STK32B: variants seen among roughly 807,000 people sequenced by gnomAD.
STK32B encodes serine/threonine-protein kinase 32B.
A neutral mutation model predicts 52.6 loss-of-function variants in STK32B; 43 were observed. The ratio of observed to expected loss-of-function variants is 0.82; its 90% confidence interval spans 0.64 to 1.05. STK32B has a LOEUF of 1.05. Ranked by LOEUF, STK32B falls within the 50% of genes least tolerant of loss-of-function variation. The probability of loss-of-function intolerance (pLI) is 0.00; values close to 1 mark genes in which losing one functional copy is unlikely to be tolerated. For synonymous variants in STK32B, 238 were observed against 204.3 expected, an observed-to-expected ratio of 1.17 and a Z score of -1.41; for missense variants, 621 against 534.6, an observed-to-expected ratio of 1.16 and a Z score of -1.59.
At chr4:5,427,286 C>G (rs539613150) in intron 6 of STK32B, among the ~76,000 whole-genome samples, 92 of 152,268 alleles carry the variant, frequency 6.0e-4, no homozygotes, top group Non-Finnish European at 1.2e-3. Context: ...ATCCTTGAAT[C>G]AATGTACTAA....
intron 3 of STK32B, among the ~76,000 whole-genome samples, chr4:5,275,421 A>T (rs556666447): frequency 6.6e-6 from 1 of 152,112 alleles, no homozygotes; most frequent in Non-Finnish European, 1.5e-5. Flanking sequence ...TTTGATGCAA[A>T]TATCTTTTTA....
At chr4:5,226,108 AG>A (rs1380969002) in intron 3 of STK32B, among the ~76,000 whole-genome samples, 8 of 152,216 alleles carry the variant, frequency 5.3e-5, no homozygotes, top group Non-Finnish European at 7.3e-5. Context: ...TCAGTTGTGA[AG>A]GGATGCACTC....
In STK32B at chr4:5,396,992, T is replaced by C. The variant is rs557067677; in HGVS notation, c.435-1215T>C. ...CAGGGGCCCACGTACTCAATGCTCC[T>C]CGGTACTCATGGGTTTGAAAAGTCA... On this transcript the variant is annotated intron_variant, in intron 4 of 11. Transcript: ENST00000282908. This position sits in a 1 kb window ranked among gnomAD's most constrained non-coding sequence, Gnocchi z 4.7. 8.5e-5 allele frequency among the ~76,000 whole-genome samples: 13 copies of C among 152,328 alleles called. No homozygotes were observed. The South Asian group carries it at 2.7e-3, about 32-fold the overall frequency.
At chr4:5,436,557 G>A (rs776951972) in intron 6 of STK32B, 35 of 984,540 alleles carry the variant, frequency 3.6e-5, no homozygotes, top group Non-Finnish European at 3.4e-5. Context: ...GGTCTCTCTG[G>A]GTCCAGAGGC....
At chr4:5,091,796 G>A (rs7693293) in intron 1 of STK32B, among the ~76,000 whole-genome samples, 61,530 of 152,052 alleles carry the variant, frequency 0.4, 12,633 homozygotes, top group Middle Eastern at 0.46. Flanking sequence ...AGAAGGAGTA[G>A]GGCAAATGTT....
Position 5,336,148 on chromosome 4 carries a change from C to G in STK32B, c.434+4755C>G, listed in dbSNP as rs1236207540. On this transcript the variant is annotated intron_variant, in intron 4 of 11. Transcript: ENST00000282908. ...TATCTGAACATAATCATACTAGATG[C>G]TGAAATGACACCCACACACCCACCC... Among the ~76,000 whole-genome samples the G allele has an allele frequency of 3.4e-5, 5 of 147,014 alleles. No homozygotes were observed. In the East Asian group the frequency reaches 8.0e-4, roughly 24 times the overall value.
chr4:5,144,848 C>A (rs1716788184), intron 2 of STK32B, among the ~76,000 whole-genome samples: 1 of 152,052 alleles, frequency 6.6e-6, no homozygotes, highest in Non-Finnish European at 1.5e-5. Context: ...TACGGAGGAC[C>A]AATTTGCTCT....
At position 5,439,104 on chromosome 4, in the gene STK32B, T is replaced by C. The variant is rs953079667; in HGVS notation, c.563-7569T>C. On this transcript the variant is annotated intron_variant, in intron 6 of 11. Coordinates refer to ENST00000282908, the MANE Select transcript of STK32B (RefSeq NM_018401.3). ...TTATAGCAGCATGATTTATAGTCCT[T>C]TGGGTATATACCCAGTAATGGGATG... 4.7e-5 allele frequency among the ~76,000 whole-genome samples: 7 copies of C among 148,638 alleles called. No individual in the cohort carries two copies. The East Asian group carries it at 5.8e-4, about 12-fold the overall frequency.
chr4:5,442,264 C>G (rs957935341), intron 6 of STK32B, among the ~76,000 whole-genome samples: 46 of 148,944 alleles, frequency 3.1e-4, no homozygotes, highest in African/African-American at 1.1e-3. Flanking sequence ...TCACTCAGGA[C>G]TTGCTTCATG....
At chr4:5,463,017 C>A (rs139560762) in intron 9 of STK32B, among the ~76,000 whole-genome samples, 1 of 152,194 alleles carries the variant, frequency 6.6e-6, no homozygotes, top group East Asian at 1.9e-4. Context: ...TGACCTCAGG[C>A]GGCTGCACCC....
At chr4:5,125,517 C>T (rs990596027) in intron 1 of STK32B, among the ~76,000 whole-genome samples, 4 of 152,116 alleles carry the variant, frequency 2.6e-5, no homozygotes, top group African/African-American at 7.2e-5. Flanking sequence ...TGTGGGTGGG[C>T]GTGGTGGACC....
At chr4:5,490,727 C>T (rs1037075090) in intron 11 of STK32B, among the ~76,000 whole-genome samples, 2 of 151,918 alleles carry the variant, frequency 1.3e-5, no homozygotes, top group Non-Finnish European at 2.9e-5. Flanking sequence ...CTCCCCAACT[C>T]TCCACCCCAC....
chr4:5,141,950 T>C (rs1039018936), intron 2 of STK32B, among the ~76,000 whole-genome samples: 3 of 151,284 alleles, frequency 2.0e-5, no homozygotes, highest in African/African-American at 4.9e-5. Context: ...GAGAAGGACT[T>C]CCCCCCTGGA....
chr4:5,381,991 A>G (rs1209561917), intron 4 of STK32B, among the ~76,000 whole-genome samples: 1 of 152,218 alleles, frequency 6.6e-6, no homozygotes, highest in Non-Finnish European at 1.5e-5. Context: ...GACTCAGGAA[A>G]GAGCTGATGT....
Position 5,332,064 on chromosome 4 carries a change from C to T in STK32B, c.434+671C>T, listed in dbSNP as rs541105825. Among the ~76,000 whole-genome samples the T allele has an allele frequency of 2.6e-5, 4 of 152,346 alleles. No individual in the cohort carries two copies. In the South Asian group the frequency reaches 6.2e-4, roughly 24 times the overall value. On this transcript the variant is annotated intron_variant, in intron 4 of 11. Coordinates refer to ENST00000282908, the MANE Select transcript of STK32B (RefSeq NM_018401.3). ...AAATTGGTTTACCCATGGTCTTGCA[C>T]TGTGCTTAGCTGATATCCTTGTAAC...
At chr4:5,177,001 G>A (rs182645602) in intron 3 of STK32B, among the ~76,000 whole-genome samples, 48 of 152,224 alleles carry the variant, frequency 3.2e-4, no homozygotes, top group East Asian at 1.3e-3. Flanking sequence ...CTTGTTTACC[G>A]CTAGGAGTGT....
chr4:5,459,412 G>T lies in STK32B; in HGVS notation c.784-691G>T, dbSNP rs566209573. Among the ~76,000 whole-genome samples, 12 of 152,290 alleles carry T rather than the reference G, an allele frequency of 7.9e-5. No homozygotes were observed. In the East Asian group the frequency reaches 2.3e-3, roughly 29 times the overall value. ...CTTTCAGGGAGGCAATGAGCCCAGG[G>T]CACCCAGCAGCTCGCCCAAGGTCAC... On this transcript the variant is annotated intron_variant, in intron 8 of 11. Transcript: ENST00000282908.
rs1390083334 is a variant in STK32B at position 5,467,707 on chromosome 4, T to A, written c.1042-299T>A. Reference sequence around the variant, plus strand: ...TTTCTGGTTTTCCATGCCCCTCACGTGGGCCTTAAGTGGTCAGGAAAATAA... The same window carrying A: ...TTTCTGGTTTTCCATGCCCCTCACGAGGGCCTTAAGTGGTCAGGAAAATAA... On this transcript the variant is annotated intron_variant, in intron 10 of 11. Coordinates refer to ENST00000282908, the MANE Select transcript of STK32B (RefSeq NM_018401.3). This position sits in a 1 kb window ranked among gnomAD's most constrained non-coding sequence, Gnocchi z 5.8. Among the ~76,000 whole-genome samples, 2 of 152,210 alleles carry A rather than the reference T, an allele frequency of 1.3e-5. No individual in the cohort carries two copies. The highest frequency in any genetic ancestry group is 2.9e-5 in the Non-Finnish European group (2 of 68,038).
chr4:5,381,785 G>A (rs529768987), intron 4 of STK32B, among the ~76,000 whole-genome samples: 1 of 152,196 alleles, frequency 6.6e-6, no homozygotes, highest in Non-Finnish European at 1.5e-5. Flanking sequence ...AGCTGTCTGG[G>A]TTTTTAATCC....
Sources: gnomAD v4.1 joint callset for allele counts (sites outside exome capture counted in the v4.1 genomes callset) on GRCh38, gnomAD v4.1.1 for gene constraint, Gnocchi (gnomAD v3.1) non-coding constraint, MANE v1.5 for transcripts, NCBI Gene and HGNC (gene_info 2026-07-23, HGNC 2026-07-21) for gene names.